SYT2: variants seen among roughly 807,000 people sequenced by gnomAD.
SYT2 encodes synaptotagmin-2.
Under a neutral mutation model 39.9 loss-of-function variants are expected in SYT2, and 15 were observed. That is an observed-to-expected ratio of 0.38 (90% CI 0.25 to 0.58). The LOEUF is 0.58. SYT2 is among the 20% of genes least tolerant of loss of function. The probability of loss-of-function intolerance (pLI) is 0.70; values close to 1 mark genes in which losing one functional copy is unlikely to be tolerated. For missense variants in SYT2, 389 were observed against 530.3 expected, an observed-to-expected ratio of 0.73 and a Z score of 2.62; for synonymous variants, 181 against 204.5, an observed-to-expected ratio of 0.89 and a Z score of 0.98.
rs1690492308 is a variant in SYT2, at chr1:202,601,172, C to T, written c.802-698G>A. ...ACCCAGGGCTCCTAATTCCTAAGGC[C>T]AACACCACACTGCAGAGTCAAAGCT... On this transcript the variant is annotated intron_variant, in intron 6 of 8. Coordinates refer to ENST00000367268, the MANE Select transcript of SYT2 (RefSeq NM_177402.5). The surrounding 1 kb of genome is among the most constrained non-coding windows in gnomAD (Gnocchi z 4.0). Among the ~76,000 whole-genome samples, 1 of 152,140 alleles carries T rather than the reference C, an allele frequency of 6.6e-6. No homozygotes were observed. Among genetic ancestry groups the T allele is most frequent in the Non-Finnish European group, 1.5e-5 (1 of 68,022 alleles).
chr1:202,639,200 C>T (rs998197346), intron 1 of SYT2, among the ~76,000 whole-genome samples: 7 of 152,148 alleles, frequency 4.6e-5, no homozygotes, highest in East Asian at 1.9e-4. Flanking sequence ...CTTGGGCTTC[C>T]GTGTTCTATT....
At chr1:202,705,390 G>A (rs111724565) in intron 1 of SYT2, among the ~76,000 whole-genome samples, 2,032 of 152,358 alleles carry the variant, frequency 0.013, 44 homozygotes, top group African/African-American at 0.046. Flanking sequence ...CCTGTTGTGC[G>A]GGACCCACAC....
intron 1 of SYT2, among the ~76,000 whole-genome samples, chr1:202,693,457 C>T (rs1039947150): frequency 1.3e-5 from 2 of 152,160 alleles, no homozygotes; most frequent in African/African-American, 2.4e-5. Context: ...GATACAAGTC[C>T]TTTCAGAGAA....
In SYT2 at chr1:202,603,106, C is replaced by T. The variant is rs987703370; in HGVS notation, c.358G>A (p.Ala120Thr). The T allele has an allele frequency of 1.7e-5, 28 of 1,613,956 alleles. No individual in the cohort carries two copies. Among genetic ancestry groups the T allele is most frequent in the African/African-American group, 5.3e-5 (4 of 74,916 alleles). Residue 120 changes from alanine (A) to threonine (T), a missense_variant, in exon 4 of 9, where the codon GCA becomes ACA. This residue lies in a region of SYT2 where 280 missense variants were observed against 335.6 expected (regional missense o/e 0.83). Coordinates refer to ENST00000367268, the MANE Select transcript of SYT2 (RefSeq NM_177402.5). ...DMKGGQDDDD[A>T]ETGLTEGEGE... ...TCCCCCTCAGTCAGGCCTGTCTCTGCGTCGTCGTCATCCTGTGGGAGCTGG... is the reference window on the plus strand; with the variant it reads ...TCCCCCTCAGTCAGGCCTGTCTCTGTGTCGTCGTCATCCTGTGGGAGCTGG...
intron 1 of SYT2, among the ~76,000 whole-genome samples, chr1:202,666,242 A>G (rs1692480633): frequency 6.6e-6 from 1 of 151,988 alleles, no homozygotes; most frequent in African/African-American, 2.4e-5. Context: ...GGTCCTCATG[A>G]TGCCAAACAA....
intron 1 of SYT2, chr1:202,639,814 G>A (rs1430346126): frequency 1.0e-6 from 1 of 985,360 alleles, no homozygotes; most frequent in African/African-American, 1.7e-5. Flanking sequence ...GCAAGAGGAG[G>A]ACACAGGACG....
At chr1:202,676,415 A>T (rs772168645) in intron 1 of SYT2, among the ~76,000 whole-genome samples, 29 of 152,164 alleles carry the variant, frequency 1.9e-4, no homozygotes, top group Admixed American at 3.9e-4. Context: ...CTCCCCATCC[A>T]TGGGTATCTG....
chr1:202,677,151 A>G (rs1427923820), intron 1 of SYT2, among the ~76,000 whole-genome samples: 1 of 152,176 alleles, frequency 6.6e-6, no homozygotes, highest in Non-Finnish European at 1.5e-5. Flanking sequence ...TCTCTTCTTC[A>G]TAAGTTACCC....
At chr1:202,672,998 G>A (rs1692623051) in intron 1 of SYT2, among the ~76,000 whole-genome samples, 1 of 152,016 alleles carries the variant, frequency 6.6e-6, no homozygotes, top group Non-Finnish European at 1.5e-5. Flanking sequence ...TAGCAGCTGG[G>A]AGGGCAGTAC....
chr1:202,677,790 C>T (rs1335280182), intron 1 of SYT2, among the ~76,000 whole-genome samples: 1 of 152,198 alleles, frequency 6.6e-6, no homozygotes, highest in African/African-American at 2.4e-5. Context: ...ACAGCAAAAT[C>T]ATCATGGGTG....
intron 1 of SYT2, among the ~76,000 whole-genome samples, chr1:202,688,644 AAG>A (rs1394245055): frequency 6.6e-6 from 1 of 152,220 alleles, no homozygotes; most frequent in Non-Finnish European, 1.5e-5. Flanking sequence ...TGAGACCTTG[AAG>A]AGAGAGATCT....
Position 202,683,608 on chromosome 1 carries a change from G to A in SYT2, c.-18+26650C>T, listed in dbSNP as rs553346790. Among the ~76,000 whole-genome samples, 3 of 152,184 alleles carry A rather than the reference G, an allele frequency of 2.0e-5. No homozygotes were observed. The East Asian group carries it at 5.8e-4, about 29-fold the overall frequency. ...ATTTTAAAAATAGCTGAACGTGGTGGTGCATGCCTGTGGTCCCAGCTACTT... is the reference window on the plus strand; with the variant it reads ...ATTTTAAAAATAGCTGAACGTGGTGATGCATGCCTGTGGTCCCAGCTACTT... On this transcript the variant is annotated intron_variant, in intron 1 of 8. Transcript: ENST00000367268.
chr1:202,611,009 T>C (rs552759573), intron 1 of SYT2, among the ~76,000 whole-genome samples: 2 of 152,338 alleles, frequency 1.3e-5, no homozygotes, highest in African/African-American at 4.8e-5. Flanking sequence ...AGAGCCCGCA[T>C]TGCCAAGTCA....
chr1:202,607,437 TAAAG>T (rs1690744515), intron 1 of SYT2, among the ~76,000 whole-genome samples: 1 of 152,150 alleles, frequency 6.6e-6, no homozygotes, highest in Non-Finnish European at 1.5e-5. Context: ...CACAAGAATT[TAAAG>T]AAAAAATGTG....
intron 1 of SYT2, among the ~76,000 whole-genome samples, chr1:202,679,238 C>A (rs1434878769): frequency 1.3e-5 from 2 of 152,170 alleles, no homozygotes; most frequent in African/African-American, 4.8e-5. Flanking sequence ...CTCCTGTTCC[C>A]TTCCTACAGC....
intron 8 of SYT2, among the ~76,000 whole-genome samples, chr1:202,597,948 G>A (rs1690359275): frequency 6.6e-6 from 1 of 152,180 alleles, no homozygotes; most frequent in Admixed American, 6.5e-5. Context: ...ACTCAGATTT[G>A]TCCTTCAGGA....
At chr1:202,649,738 C>CAATGCTGTTCAG (rs1692157571) in intron 1 of SYT2, among the ~76,000 whole-genome samples, 1 of 152,210 alleles carries the variant, frequency 6.6e-6, no homozygotes, top group African/African-American at 2.4e-5. Flanking sequence ...CCTGTAACTA[C>CAATGCTGTTCAG]TTTATGAAAC....
intron 1 of SYT2, among the ~76,000 whole-genome samples, chr1:202,619,470 A>G (rs1336259959): frequency 6.6e-6 from 1 of 152,170 alleles, no homozygotes; most frequent in Non-Finnish European, 1.5e-5. Context: ...GAAGACACAC[A>G]AGGGAAGGGA....
intron 1 of SYT2, among the ~76,000 whole-genome samples, chr1:202,649,265 G>C (rs1451152086): frequency 6.6e-6 from 1 of 152,222 alleles, no homozygotes; most frequent in Non-Finnish European, 1.5e-5. Context: ...AGCTTTAGGG[G>C]TCTCCCAGAT....
Sources: gnomAD v4.1 joint callset for allele counts (sites outside exome capture counted in the v4.1 genomes callset) on GRCh38, gnomAD v4.1.1 for gene constraint, gnomAD v4.1.1 regional missense constraint, Gnocchi (gnomAD v3.1) non-coding constraint, MANE v1.5 for transcripts, NCBI Gene and HGNC (gene_info 2026-07-23, HGNC 2026-07-21) for gene names.